ADK: variants seen among roughly 807,000 people sequenced by gnomAD.
The protein encoded by ADK is adenosine kinase, also known as N6,N6-dimethyladenosine kinase.
A neutral mutation model predicts 44.7 loss-of-function variants in ADK; 24 were observed. The ratio of observed to expected loss-of-function variants is 0.54; its 90% CI spans 0.39 to 0.76. The LOEUF (loss-of-function observed/expected upper bound fraction) is 0.76. Ranked by LOEUF, ADK falls within the 30% of genes least tolerant of loss-of-function variation. The probability of loss-of-function intolerance (pLI) is 0.00; values close to 1 mark genes in which losing one functional copy is unlikely to be tolerated. For missense variants in ADK, 321 were observed against 425.1 expected (o/e 0.76, Z 2.15); for synonymous variants, 128 against 142.6 (o/e 0.90, Z 0.73).
chr10:74,642,827 C>CTTTTT (rs770015945), intron 9 of ADK, among the ~76,000 whole-genome samples: 2 of 77,480 alleles, frequency 2.6e-5, no homozygotes, highest in Non-Finnish European at 5.4e-5. Flanking sequence ...ATCTTAAGTT[C>CTTTTT]TTTTTTTTTT....
At chr10:74,153,527 A>G (rs1420417292) in intron 1 of ADK, among the ~76,000 whole-genome samples, 1 of 152,244 alleles carries the variant, frequency 6.6e-6, no homozygotes, top group East Asian at 1.9e-4. Context: ...TTATAAAGAA[A>G]GAATCAGGCT....
At chr10:74,577,224 A>T (rs79433293) in intron 7 of ADK, among the ~76,000 whole-genome samples, 1,843 of 149,960 alleles carry the variant, frequency 0.012, 44 homozygotes, top group African/African-American at 0.043. Context: ...TTCTTTGTAG[A>T]TGTGGGGTAG....
At chr10:74,671,751 A>G (rs558402650) in intron 10 of ADK, among the ~76,000 whole-genome samples, 3 of 152,326 alleles carry the variant, frequency 2.0e-5, no homozygotes, top group South Asian at 4.1e-4. Context: ...TATACACTGT[A>G]TGTACATTAC....
chr10:74,337,964 G>T (rs775349337), intron 4 of ADK, among the ~76,000 whole-genome samples: 5 of 151,954 alleles, frequency 3.3e-5, no homozygotes, highest in Admixed American at 6.6e-5. Flanking sequence ...AGCTGTGATT[G>T]CACCACTACA....
intron 3 of ADK, among the ~76,000 whole-genome samples, chr10:74,278,750 A>G (rs1846801029): frequency 6.6e-6 from 1 of 152,160 alleles, no homozygotes; most frequent in Non-Finnish European, 1.5e-5. Flanking sequence ...ATAGCACACT[A>G]CATCCTCTAA....
At chr10:74,459,727 C>CAAAA (rs986375076) in intron 6 of ADK, among the ~76,000 whole-genome samples, 44 of 41,454 alleles carry the variant, frequency 1.1e-3, no homozygotes, top group Non-Finnish European at 1.8e-3. Context: ...GACTCCATCT[C>CAAAA]AAAAAAAAAA....
chr10:74,508,774 G>A (rs1848182412), intron 6 of ADK, among the ~76,000 whole-genome samples: 1 of 151,948 alleles, frequency 6.6e-6, no homozygotes, highest in South Asian at 2.1e-4. Context: ...CTCTTAATGT[G>A]TTTGATATGG....
intron 9 of ADK, among the ~76,000 whole-genome samples, chr10:74,651,060 A>T (rs1309135250): frequency 6.6e-6 from 1 of 152,322 alleles, no homozygotes; most frequent in Non-Finnish European, 1.5e-5. Context: ...GCTTAAGAAG[A>T]GCTGTAGGCA....
chr10:74,232,022 A>G (rs1844785981), intron 3 of ADK, among the ~76,000 whole-genome samples: 1 of 151,800 alleles, frequency 6.6e-6, no homozygotes, highest in Non-Finnish European at 1.5e-5. Context: ...TAAGGATCCA[A>G]AACTAGAGTT....
chr10:74,635,186 C>T (rs1412291407), intron 9 of ADK, among the ~76,000 whole-genome samples: 1 of 152,186 alleles, frequency 6.6e-6, no homozygotes, highest in Non-Finnish European at 1.5e-5. Context: ...CACACCTAAA[C>T]ATTTAATTAG....
chr10:74,205,040 CAAAAAAAAAAAAAAAA>C (rs60670688), intron 2 of ADK, among the ~76,000 whole-genome samples: 1 of 51,642 alleles, frequency 1.9e-5, no homozygotes, highest in East Asian at 6.9e-4. Flanking sequence ...CACTCTGTCT[CAAAAAAAAAAAAAAAA>C]AAAAAAAAAA....
At chr10:74,323,539 A>G (rs190846596) in intron 4 of ADK, among the ~76,000 whole-genome samples, 42 of 151,816 alleles carry the variant, frequency 2.8e-4, no homozygotes, top group Non-Finnish European at 4.9e-4. Context: ...TGCAACCATC[A>G]CCACAGTCAG....
chr10:74,376,777 C>CTTTT (rs35675013), intron 4 of ADK, among the ~76,000 whole-genome samples: 2 of 135,378 alleles, frequency 1.5e-5, no homozygotes, highest in Admixed American at 7.3e-5. Flanking sequence ...TCTCTCTCGT[C>CTTTT]TTTTTTTTTT....
At chr10:74,317,904 C>T (rs1840679918) in intron 4 of ADK, among the ~76,000 whole-genome samples, 1 of 152,184 alleles carries the variant, frequency 6.6e-6, no homozygotes, top group South Asian at 2.1e-4. Flanking sequence ...GCCTCAGCCT[C>T]CCAAGTAGCT....
In ADK at chr10:74,355,653, G is replaced by A. The variant is rs150910078; in HGVS notation, c.274-38488G>A. On this transcript the variant is annotated intron_variant, in intron 4 of 10. Transcript: ENST00000539909. Reference sequence around the variant, plus strand: ...TGTCATTTGGAAAAATTTTAAAAGTGTCTAACTTTTATTCAGGACCATTTG... The same window carrying A: ...TGTCATTTGGAAAAATTTTAAAAGTATCTAACTTTTATTCAGGACCATTTG... Among the ~76,000 whole-genome samples the A allele has an allele frequency of 2.2e-3, 335 of 152,220 alleles. 2 individuals carry two copies. Among genetic ancestry groups the A allele is most frequent in the African/African-American group, 7.6e-3 (317 of 41,558 alleles).
At chr10:74,527,844 G>A (rs949667643) in intron 7 of ADK, 2 of 1,087,582 alleles carry the variant, frequency 1.8e-6, no homozygotes, top group African/African-American at 1.5e-5. Flanking sequence ...CAAGTGTCTT[G>A]AAGCTGCCAG....
intron 8 of ADK, among the ~76,000 whole-genome samples, chr10:74,595,997 C>CA (rs35924345): frequency 0.34 from 21,274 of 62,204 alleles, 3,097 homozygotes; most frequent in East Asian, 0.66. Flanking sequence ...AATTCCATCT[C>CA]AAAAAAAAAA....
chr10:74,228,602 A>G (rs1057138609), intron 3 of ADK, among the ~76,000 whole-genome samples: 2 of 152,212 alleles, frequency 1.3e-5, no homozygotes, highest in African/African-American at 2.4e-5. Context: ...AAGAAAAAGT[A>G]AAAGATACTG....
intron 6 of ADK, among the ~76,000 whole-genome samples, chr10:74,408,782 G>C (rs548488070): frequency 1.3e-5 from 2 of 152,192 alleles, no homozygotes; most frequent in Admixed American, 6.5e-5. Flanking sequence ...TTCATTAAGT[G>C]GAAATGGATC....
Sources: allele counts gnomAD v4.1 joint callset (sites outside exome capture counted in the v4.1 genomes callset), GRCh38; gene constraint gnomAD v4.1.1; transcripts MANE v1.5; gene names NCBI Gene and HGNC (gene_info 2026-07-23, HGNC 2026-07-21).